GRM7: variants seen among roughly 807,000 people sequenced by gnomAD.
The protein encoded by GRM7 is metabotropic glutamate receptor 7.
A neutral mutation model predicts 84.5 loss-of-function variants in GRM7; 35 were observed. The ratio of observed to expected loss-of-function variants is 0.41; its 90% CI spans 0.32 to 0.55. The LOEUF (loss-of-function observed/expected upper bound fraction) is 0.55. Ranked by LOEUF, GRM7 falls within the 20% of genes least tolerant of loss-of-function variation. GRM7 has a pLI of 0.19. For missense variants in GRM7, 1,003 were observed against 1,194.6 expected, an observed-to-expected ratio of 0.84 and a Z score of 2.36; for synonymous variants, 487 against 455.1, an observed-to-expected ratio of 1.07 and a Z score of -0.89.
chr3:7,370,126 T>A (rs937839334), intron 4 of GRM7, among the ~76,000 whole-genome samples: 2 of 152,092 alleles, frequency 1.3e-5, no homozygotes, highest in African/African-American at 4.8e-5. Context: ...AAATAAAAAT[T>A]TTCAATTAGC....
intron 4 of GRM7, among the ~76,000 whole-genome samples, chr3:7,398,769 T>A (rs1013367179): frequency 6.6e-6 from 1 of 152,114 alleles, no homozygotes; most frequent in African/African-American, 2.4e-5. Context: ...GCCTTAAACC[T>A]ACATCCAGGG....
intron 2 of GRM7, among the ~76,000 whole-genome samples, chr3:7,177,297 A>T (rs907520960): frequency 6.6e-6 from 1 of 152,208 alleles, no homozygotes; most frequent in African/African-American, 2.4e-5. Flanking sequence ...CTGTTTGTCT[A>T]GAATGACAGG....
At chr3:7,288,669 G>A (rs1684467709) in intron 2 of GRM7, among the ~76,000 whole-genome samples, 2 of 152,138 alleles carry the variant, frequency 1.3e-5, no homozygotes, top group South Asian at 4.1e-4. Flanking sequence ...GGGGAGAGAT[G>A]TGACTTTAGT....
At chr3:7,023,382 G>C (rs954569908) in intron 1 of GRM7, among the ~76,000 whole-genome samples, 1 of 152,100 alleles carries the variant, frequency 6.6e-6, no homozygotes, top group African/African-American at 2.4e-5. Context: ...GAATAGGTCA[G>C]AAAGGGACCT....
At chr3:7,218,572 A>G (rs1382830842) in intron 2 of GRM7, among the ~76,000 whole-genome samples, 2 of 152,178 alleles carry the variant, frequency 1.3e-5, no homozygotes, top group East Asian at 3.9e-4. Flanking sequence ...TCCCATAATA[A>G]GGTAATTGCA....
At chr3:7,621,315 G>A (rs902810372) in intron 8 of GRM7, among the ~76,000 whole-genome samples, 6 of 152,126 alleles carry the variant, frequency 3.9e-5, no homozygotes, top group Non-Finnish European at 5.9e-5. Context: ...AGCCATGCTT[G>A]TTTTAGGAAT....
At chr3:6,972,582 C>T (rs1240988346) in intron 1 of GRM7, among the ~76,000 whole-genome samples, 1 of 152,106 alleles carries the variant, frequency 6.6e-6, no homozygotes, top group Non-Finnish European at 1.5e-5. Flanking sequence ...ATACTAATGT[C>T]AAAAGGCCTA....
chr3:7,050,703 A>G (rs562304937), intron 1 of GRM7, among the ~76,000 whole-genome samples: 5 of 152,102 alleles, frequency 3.3e-5, no homozygotes, highest in Admixed American at 3.3e-4. Flanking sequence ...AATTGACAAT[A>G]CAGGTAATTT....
At chr3:7,448,863 G>A (rs999003923) in intron 5 of GRM7, among the ~76,000 whole-genome samples, 1 of 151,878 alleles carries the variant, frequency 6.6e-6, no homozygotes, top group Non-Finnish European at 1.5e-5. Context: ...GTCTTTATTA[G>A]TGTAGTTTAG....
chr3:7,667,983 A>G (rs1699769643), intron 8 of GRM7, among the ~76,000 whole-genome samples: 1 of 152,182 alleles, frequency 6.6e-6, no homozygotes, highest in Non-Finnish European at 1.5e-5. Context: ...AAGCTGTTTG[A>G]AAGATAAGCT....
intron 8 of GRM7, among the ~76,000 whole-genome samples, chr3:7,635,025 G>A (rs532911849): frequency 6.6e-6 from 1 of 152,258 alleles, no homozygotes; most frequent in South Asian, 2.1e-4. Flanking sequence ...CTGTAATGAT[G>A]GAAATGTCCT....
At chr3:7,655,651 C>CATCT (rs1221492107) in intron 8 of GRM7, among the ~76,000 whole-genome samples, 2 of 152,166 alleles carry the variant, frequency 1.3e-5, no homozygotes, top group African/African-American at 4.8e-5. Flanking sequence ...GAGGGTGAGG[C>CATCT]ATCTATCTCC....
Position 7,655,312 on chromosome 3 carries a change from C to A in GRM7, c.2452-24737C>A, listed in dbSNP as rs376659038. On this transcript the variant is annotated intron_variant, in intron 8 of 9. Coordinates refer to ENST00000357716, the MANE Select transcript of GRM7 (RefSeq NM_000844.4). ...GAGCAACTTTGTATTGGCCATCAAG[C>A]TAGCCATGTCTAACAACCCAAGGTT... is the stretch of plus-strand genomic sequence containing the variant. Among the ~76,000 whole-genome samples, 433 of 152,318 alleles carry A rather than the reference C, an allele frequency of 2.8e-3. 7 individuals carry two copies. Among genetic ancestry groups the A allele is most frequent in the Middle Eastern group, 0.017 (5 of 294 alleles).
At chr3:7,474,370 G>A (rs532217989) in intron 7 of GRM7, among the ~76,000 whole-genome samples, 14 of 151,708 alleles carry the variant, frequency 9.2e-5, no homozygotes, top group Admixed American at 9.2e-4. Flanking sequence ...ACTATTCTTA[G>A]GCATGCTTTG....
rs528127495 is a variant in GRM7, at chr3:7,406,114, A to G, written c.1034-8909A>G. On this transcript the variant is annotated intron_variant, in intron 4 of 9. Coordinates refer to ENST00000357716, the MANE Select transcript of GRM7 (RefSeq NM_000844.4). ...GGCTGCATACTACTTCAACACATGT[A>G]TTTAATCATGTGTTTTGGGGACATT... Among the ~76,000 whole-genome samples, 4 of 152,238 alleles carry G rather than the reference A, an allele frequency of 2.6e-5. No homozygotes were observed. The South Asian group carries it at 8.3e-4, about 32-fold the overall frequency.
chr3:6,954,007 T>C (rs1488069213), intron 1 of GRM7, among the ~76,000 whole-genome samples: 1 of 152,194 alleles, frequency 6.6e-6, no homozygotes. Flanking sequence ...TCCTTGTGGA[T>C]GGCGATAATA....
intron 4 of GRM7, among the ~76,000 whole-genome samples, chr3:7,330,303 C>T (rs2125064977): frequency 6.6e-6 from 1 of 152,192 alleles, no homozygotes; most frequent in East Asian, 1.9e-4. Context: ...GTCACAAAAC[C>T]CTCCAGTGAC....
At chr3:7,069,137 A>G (rs1697773140) in intron 1 of GRM7, among the ~76,000 whole-genome samples, 1 of 151,832 alleles carries the variant, frequency 6.6e-6, no homozygotes, top group African/African-American at 2.4e-5. Context: ...TAATTAAAGA[A>G]CCCTTAATAT....
chr3:7,542,434 T>C (rs1419870697), intron 7 of GRM7, among the ~76,000 whole-genome samples: 1 of 152,208 alleles, frequency 6.6e-6, no homozygotes, highest in Admixed American at 6.5e-5. Context: ...CTTTGGGTCT[T>C]AATTTAAGAT....
Sources: gnomAD v4.1 joint callset for allele counts (sites outside exome capture counted in the v4.1 genomes callset) on GRCh38, gnomAD v4.1.1 for gene constraint, MANE v1.5 for transcripts, NCBI Gene and HGNC (gene_info 2026-07-23, HGNC 2026-07-21) for gene names.